Variants in CTNNA2 observed in about 807,000 individuals in gnomAD.
CTNNA2 encodes the protein catenin alpha 2.
A neutral mutation model predicts 101.0 loss-of-function variants in CTNNA2; 42 were observed. The ratio of observed to expected loss-of-function variants is 0.42; its 90% CI spans 0.32 to 0.54. The LOEUF is 0.54. Among genes scored for constraint, CTNNA2 ranks in the 20% least tolerant of loss-of-function variants. The probability of loss-of-function intolerance (pLI) is 0.14; values close to 1 mark genes in which losing one functional copy is unlikely to be tolerated. For synonymous variants in CTNNA2, 450 were observed against 456.4 expected, an observed-to-expected ratio of 0.99 and a Z score of 0.18; for missense variants, 871 against 1,223.1, an observed-to-expected ratio of 0.71 and a Z score of 4.29.
intron 2 of CTNNA2, among the ~76,000 whole-genome samples, chr2:79,282,005 G>A (rs1179927722): frequency 2.6e-5 from 4 of 152,084 alleles, no homozygotes; most frequent in Non-Finnish European, 5.9e-5. Flanking sequence ...GTCAATAAAA[G>A]TATGAATAAT....
intron 7 of CTNNA2, among the ~76,000 whole-genome samples, chr2:80,210,655 A>G (rs1707830219): frequency 6.6e-6 from 1 of 152,128 alleles, no homozygotes; most frequent in Non-Finnish European, 1.5e-5. Flanking sequence ...GCTATTGTGA[A>G]TAGTGCCGCA....
At chr2:80,588,039 T>A (rs1165724113) in intron 14 of CTNNA2, among the ~76,000 whole-genome samples, 1 of 152,198 alleles carries the variant, frequency 6.6e-6, no homozygotes, top group Non-Finnish European at 1.5e-5. Context: ...CAGCAGTAGA[T>A]TCCTCAGAGC....
At chr2:80,507,197 C>A (rs1423417719) in intron 9 of CTNNA2, among the ~76,000 whole-genome samples, 1 of 152,142 alleles carries the variant, frequency 6.6e-6, no homozygotes, top group Non-Finnish European at 1.5e-5. Flanking sequence ...CATAGGGTTG[C>A]AGTACGAATT....
chr2:79,511,450 C>G (rs1459063686), upstream of CTNNA2, among the ~76,000 whole-genome samples: 4 of 152,174 alleles, frequency 2.6e-5, no homozygotes, highest in South Asian at 2.1e-4. Flanking sequence ...CATCGTGTGC[C>G]TTTAGCGTGT....
intron 18 of CTNNA2, among the ~76,000 whole-genome samples, chr2:80,627,468 T>G (rs1671802263): frequency 6.6e-6 from 1 of 152,218 alleles, no homozygotes; most frequent in Non-Finnish European, 1.5e-5. Context: ...TAATGATCAG[T>G]GATGATGAGC....
chr2:80,433,729 C>T (rs1225946664), intron 9 of CTNNA2, among the ~76,000 whole-genome samples: 4 of 152,294 alleles, frequency 2.6e-5, no homozygotes, highest in Non-Finnish European at 4.4e-5. Flanking sequence ...CAGACTCTGT[C>T]TGACCTTTCT....
intron 1 of CTNNA2, among the ~76,000 whole-genome samples, chr2:79,593,086 T>C (rs1366710949): frequency 6.6e-6 from 1 of 152,216 alleles, no homozygotes; most frequent in East Asian, 1.9e-4. Flanking sequence ...TGGAATTATA[T>C]ATATATTTTT....
At position 79,416,135 on chromosome 2, in the gene CTNNA2, A is replaced by G. The variant is rs139746445; in HGVS notation, c.-135+42122A>G. Among the ~76,000 whole-genome samples, 232 of 152,160 alleles carry G rather than the reference A, an allele frequency of 1.5e-3. 1 individual carries two copies. The highest frequency in any genetic ancestry group is 5.4e-3 in the African/African-American group (225 of 41,536). On this transcript the variant is annotated intron_variant, in intron 4 of 21. Coordinates refer to the CTNNA2 transcript ENST00000466387. ...TCCCAGGACTACTTCATATTTAATAAGACACCTTCCTCAATGTACTGACTT... is the reference window on the plus strand; with the variant it reads ...TCCCAGGACTACTTCATATTTAATAGGACACCTTCCTCAATGTACTGACTT...
At position 79,982,257 on chromosome 2, in the gene CTNNA2, C is replaced by T. The variant is rs1168579621; in HGVS notation, c.1056+72460C>T. On this transcript the variant is annotated intron_variant, in intron 7 of 18. Coordinates refer to ENST00000402739, the MANE Select transcript of CTNNA2 (RefSeq NM_001282597.3). Reference sequence around the variant, plus strand: ...ATATATATATGTATGTATATGTACACACACACATAACATATATATAATATA... The same window carrying T: ...ATATATATATGTATGTATATGTACATACACACATAACATATATATAATATA... Among the ~76,000 whole-genome samples, 32 of 75,588 alleles carry T rather than the reference C, an allele frequency of 4.2e-4. 1 individual carries two copies. In the East Asian group the frequency reaches 7.5e-3, roughly 18 times the overall value. 49.6% of individuals were successfully genotyped at this position (75,588 alleles called of 152,430 possible).
At chr2:80,536,182 A>G (rs1432443272) in intron 9 of CTNNA2, among the ~76,000 whole-genome samples, 1 of 152,276 alleles carries the variant, frequency 6.6e-6, no homozygotes, top group African/African-American at 2.4e-5. Context: ...CGTGTGTACT[A>G]ATTACATCAG....
At chr2:80,136,589 C>A (rs1702711329) in intron 7 of CTNNA2, among the ~76,000 whole-genome samples, 2 of 152,174 alleles carry the variant, frequency 1.3e-5, no homozygotes. Flanking sequence ...TTGTGCCTTA[C>A]TTCTCAGGGA....
At chr2:80,465,056 T>C (rs888943603) in intron 9 of CTNNA2, among the ~76,000 whole-genome samples, 2 of 152,190 alleles carry the variant, frequency 1.3e-5, no homozygotes, top group African/African-American at 4.8e-5. Flanking sequence ...CCTGCTCCAT[T>C]GGGATGAGAG....
intron 7 of CTNNA2, among the ~76,000 whole-genome samples, chr2:80,074,940 A>G (rs1339536752): frequency 9.9e-5 from 15 of 152,252 alleles, no homozygotes; most frequent in Non-Finnish European, 2.2e-4. Context: ...AAAAGATTAT[A>G]CAGACAATTT....
At chr2:79,720,393 T>C (rs1828475) in intron 2 of CTNNA2, among the ~76,000 whole-genome samples, 29,202 of 152,118 alleles carry the variant, frequency 0.19, 2,984 homozygotes, top group Middle Eastern at 0.27. Flanking sequence ...TTTGGTTCCA[T>C]ATTACTTAAA....
At chr2:79,944,209 A>G (rs7599413) in intron 7 of CTNNA2, among the ~76,000 whole-genome samples, 2,052 of 152,298 alleles carry the variant, frequency 0.013, 53 homozygotes, top group African/African-American at 0.047. Flanking sequence ...AGGCAAGCAC[A>G]GACTTTAAAA....
At chr2:79,452,547 T>C (rs1670768414) in intron 4 of CTNNA2, among the ~76,000 whole-genome samples, 1 of 151,966 alleles carries the variant, frequency 6.6e-6, no homozygotes, top group Non-Finnish European at 1.5e-5. Context: ...AAAATAAAGG[T>C]CAATACATTG....
chr2:79,551,448 T>A (rs1674093717), intron 1 of CTNNA2, among the ~76,000 whole-genome samples: 1 of 152,136 alleles, frequency 6.6e-6, no homozygotes, highest in Non-Finnish European at 1.5e-5. Context: ...ATAAAGTAAA[T>A]GCAGAGTCAA....
intron 13 of CTNNA2, 55 bp from the exon 14 acceptor site, chr2:80,581,651 A>G: frequency 9.0e-7 from 1 of 1,108,780 alleles, no homozygotes; most frequent in Non-Finnish European, 1.4e-6. Flanking sequence ...AAGTGTGTGG[A>G]TGGGGGTGAA....
chr2:80,243,633 G>A (rs1333643491), intron 7 of CTNNA2, among the ~76,000 whole-genome samples: 1 of 152,144 alleles, frequency 6.6e-6, no homozygotes, highest in African/African-American at 2.4e-5. Flanking sequence ...TCCATTGTGT[G>A]GATATACTAC....
Sources: allele counts gnomAD v4.1 joint callset (sites outside exome capture counted in the v4.1 genomes callset), GRCh38; gene constraint gnomAD v4.1.1; transcripts MANE v1.5; gene names NCBI Gene and HGNC (gene_info 2026-07-23, HGNC 2026-07-21).